FOXK1: variants seen among roughly 807,000 people sequenced by gnomAD.
FOXK1 encodes the protein forkhead box protein K1.
In FOXK1, 19 loss-of-function variants were observed where a neutral mutation model predicts 51.9. The observed-to-expected ratio is 0.37, with a 90% CI of 0.26 to 0.54. The LOEUF (loss-of-function observed/expected upper bound fraction) is 0.54. Among genes scored for constraint, FOXK1 ranks in the 20% least tolerant of loss-of-function variants. The pLI, the probability that FOXK1 is intolerant of heterozygous loss-of-function variation, is 0.87. For synonymous variants in FOXK1, 537 were observed against 482.6 expected (o/e 1.11, Z -1.48); for missense variants, 870 against 1,032.7 (o/e 0.84, Z 2.16).
Position 4,726,015 on chromosome 7 carries a change from C to T in FOXK1, c.561-14823C>T, listed in dbSNP as rs542349669. ...CCCTGTTTTCTTTCAACAAACAGAA[C>T]TTTTTTTTTTTTTAAGCAGCGAAGA... is the stretch of plus-strand genomic sequence containing the variant. On this transcript the variant is annotated intron_variant, in intron 1 of 8. Transcript: ENST00000328914. Among the ~76,000 whole-genome samples, 444 of 148,040 alleles carry T rather than the reference C, an allele frequency of 3.0e-3. 3 individuals are homozygous for T. Among genetic ancestry groups the T allele is most frequent in the African/African-American group, 0.01 (408 of 40,398 alleles).
chr7:4,705,778 C>G (rs1196081441), intron 1 of FOXK1, among the ~76,000 whole-genome samples: 1 of 148,996 alleles, frequency 6.7e-6, no homozygotes, highest in Non-Finnish European at 1.5e-5. Flanking sequence ...ACCTCGTGAC[C>G]CCCCCCCGCC....
rs370402475 is a variant in FOXK1, at chr7:4,740,891, A to G, written c.614A>G (p.Tyr205Cys). 6.9e-6 allele frequency: 11 copies of G among 1,594,378 alleles called. No individual in the cohort carries two copies. The highest frequency in any genetic ancestry group is 2.3e-5 in the South Asian group (2 of 88,000). Reference sequence around the variant, plus strand: ...ATCAAGATCCAGTTCACGTCGCTCTATCACAAAGAAGAGGCCCCAGCCTCC... The same window carrying G: ...ATCAAGATCCAGTTCACGTCGCTCTGTCACAAAGAAGAGGCCCCAGCCTCC... ...TAIKIQFTSL[Y>C]HKEEAPASPL... Residue 205 changes from tyrosine (Y) to cysteine (C), a missense_variant, in exon 2 of 9, where the codon TAT becomes TGT. Physicochemically the swap from Tyr to Cys is radical, Grantham distance 194. This residue lies in a region of FOXK1 where 399 missense variants were observed against 475.6 expected (regional missense o/e 0.84). Transcript: ENST00000328914.
At chr7:4,741,410 C>T (rs916844875) in intron 2 of FOXK1, among the ~76,000 whole-genome samples, 1 of 152,246 alleles carries the variant, frequency 6.6e-6, no homozygotes, top group Admixed American at 6.5e-5. Flanking sequence ...CTCACTGCAA[C>T]CTCCACCTCC....
At chr7:4,760,558 A>G (rs1368179435) in intron 7 of FOXK1, among the ~76,000 whole-genome samples, 1 of 152,198 alleles carries the variant, frequency 6.6e-6, no homozygotes, top group Non-Finnish European at 1.5e-5. Context: ...GGTATTTAAA[A>G]TACTGTTCTA....
rs376879050 is a variant in FOXK1 at position 4,705,983 on chromosome 7, CGT to C, written c.560+23116_560+23117del. On this transcript the variant is annotated intron_variant, in intron 1 of 8. Coordinates refer to ENST00000328914, the MANE Select transcript of FOXK1 (RefSeq NM_001037165.2). ...ATGTATATATATATACGTATATATACGTATATATACGTATATATACGTATATA... is the reference window on the plus strand; with the variant it reads ...ATGTATATATATATACGTATATATACATATATACGTATATATACGTATATA... Among the ~76,000 whole-genome samples, 9 of 91,722 alleles carry C rather than the reference CGT, an allele frequency of 9.8e-5. 1 individual carries two copies. The highest frequency in any genetic ancestry group is 6.0e-4 in the African/African-American group (8 of 13,338). The allele number at this position is 91,722 out of a possible 152,430, so 60.2% of individuals were successfully genotyped here. A position where few individuals can be genotyped will look rare whatever the true frequency, so the allele number is the denominator to read the frequency against.
chr7:4,741,084 C>A (rs932381032), intron 2 of FOXK1, 61 bp downstream of exon 2: 12 of 1,222,060 alleles, frequency 9.8e-6, no homozygotes, highest in Non-Finnish European at 1.2e-5. Context: ...TGCGAGCGTG[C>A]CTGTCGTACG....
intron 1 of FOXK1, among the ~76,000 whole-genome samples, chr7:4,701,737 C>CA (rs1300414713): frequency 3.3e-5 from 5 of 152,096 alleles, no homozygotes; most frequent in African/African-American, 1.2e-4. Flanking sequence ...ACTAAAAATA[C>CA]AAAAAATTAG....
rs749569887 is a variant in FOXK1, at chr7:4,731,340, T to C, written c.561-9498T>C. 1.2e-4 allele frequency among the ~76,000 whole-genome samples: 18 copies of C among 152,208 alleles called. No individual in the cohort carries two copies. Among genetic ancestry groups the C allele is most frequent in the Non-Finnish European group, 1.9e-4 (13 of 68,036 alleles). On this transcript the variant is annotated intron_variant, in intron 1 of 8. Transcript: ENST00000328914. The surrounding 1 kb of genome is among the most constrained non-coding windows in gnomAD (Gnocchi z 5.3). The stretch of plus-strand genomic sequence containing the variant: ...GCCAGGTTTAGTACTTTATCGGGTA[T>C]CCTAAAGACACGTTGCAGCCTGCAA...
chr7:4,734,765 C>T lies in FOXK1; in HGVS notation c.561-6073C>T, dbSNP rs1026871559. Among the ~76,000 whole-genome samples the T allele has an allele frequency of 3.0e-4, 46 of 152,288 alleles. No individual in the cohort carries two copies. The highest frequency in any genetic ancestry group is 9.6e-4 in the African/African-American group (40 of 41,572). On this transcript the variant is annotated intron_variant, in intron 1 of 8. Transcript: ENST00000328914. This position sits in a 1 kb window ranked among gnomAD's most constrained non-coding sequence, Gnocchi z 5.2. ...TTTCAGGTCGCAAGGCTATTTTTGG[C>T]GTGAGATGTCACTGTCTGCCGCTTC... is the stretch of plus-strand genomic sequence containing the variant.
chr7:4,761,970 C>T lies in FOXK1; in HGVS notation c.1922-214C>T, dbSNP rs1049405475. Among the ~76,000 whole-genome samples, 2 of 152,068 alleles carry T rather than the reference C, an allele frequency of 1.3e-5. No individual in the cohort carries two copies. Among genetic ancestry groups the T allele is most frequent in the African/African-American group, 4.8e-5 (2 of 41,418 alleles). On this transcript the variant is annotated intron_variant, in intron 8 of 8. Coordinates refer to ENST00000328914, the MANE Select transcript of FOXK1 (RefSeq NM_001037165.2). The surrounding 1 kb of genome is among the most constrained non-coding windows in gnomAD (Gnocchi z 6.2). ...TAGACAGCAATGAGAGGGGCCTCCA[C>T]CCAACAGGCTGGAGCCAGCAGAGAC... is the stretch of plus-strand genomic sequence containing the variant.
rs1046170934 is a variant in FOXK1 at position 4,715,478 on chromosome 7, G to A, written c.561-25360G>A. On this transcript the variant is annotated intron_variant, in intron 1 of 8. Coordinates refer to ENST00000328914, the MANE Select transcript of FOXK1 (RefSeq NM_001037165.2). The surrounding 1 kb of genome is among the most constrained non-coding windows in gnomAD (Gnocchi z 4.5). ...GGGGGTTGGCTGGAACTCGGGCCCCGCTGGCCGGCGGTAGGAGCTGGAATG... is the reference window on the plus strand; with the variant it reads ...GGGGGTTGGCTGGAACTCGGGCCCCACTGGCCGGCGGTAGGAGCTGGAATG... Among the ~76,000 whole-genome samples, 1 of 152,182 alleles carries A rather than the reference G, an allele frequency of 6.6e-6. No individual in the cohort carries two copies. Among genetic ancestry groups the A allele is most frequent in the Non-Finnish European group, 1.5e-5 (1 of 68,042 alleles).
chr7:4,768,949 C>G lies in FOXK1; in HGVS notation c.*6485C>G, dbSNP rs1368716684. On this transcript the variant is annotated 3_prime_UTR_variant, in exon 9 of 9. Transcript: ENST00000328914. ...CCATTCCCGGGAGGCCTGAGTGTGA[C>G]CTGGAAGCTCTGTGGGTCACCAAGA... The G allele has an allele frequency of 6.6e-6, 1 of 152,148 alleles. No individual in the cohort carries two copies. The highest frequency in any genetic ancestry group is 1.5e-5 in the Non-Finnish European group (1 of 68,092). 9.4% of individuals were successfully genotyped at this position (152,148 alleles called of 1,614,324 possible).
chr7:4,684,368 T>G (rs1779792632), intron 1 of FOXK1, among the ~76,000 whole-genome samples: 1 of 152,200 alleles, frequency 6.6e-6, no homozygotes, highest in Non-Finnish European at 1.5e-5. Flanking sequence ...ACTTCTCCCC[T>G]TTTTTAGTCT....
Position 4,761,351 on chromosome 7 carries a change from C to A in FOXK1, c.1921+63C>A. ...GCTCTGTGGCTCCCAGTAGTCAGTG[C>A]GGCATGAGAATGTTCTCCCAGTATC... On this transcript the variant is annotated intron_variant, in intron 8 of 8. Coordinates refer to ENST00000328914, the MANE Select transcript of FOXK1 (RefSeq NM_001037165.2). The surrounding 1 kb of genome is among the most constrained non-coding windows in gnomAD (Gnocchi z 6.2). The A allele has an allele frequency of 2.0e-6, 3 of 1,478,324 alleles. No homozygotes were observed. The highest frequency in any genetic ancestry group is 1.8e-6 in the Non-Finnish European group (2 of 1,082,604). 91.6% of individuals were successfully genotyped at this position (1,478,324 alleles called of 1,614,324 possible).
intron 2 of FOXK1, among the ~76,000 whole-genome samples, chr7:4,751,981 C>T (rs148677372): frequency 0.01 from 1,582 of 152,306 alleles, 33 homozygotes; most frequent in African/African-American, 0.027. Context: ...GAGATAAGGT[C>T]TCACTCTGTT....
rs1387340865 is a variant in FOXK1, at chr7:4,682,476, G to A, written c.168G>A (p.Pro56=). ...PQPPPGPPPP[P]PPPLPPGAIA... is the part of the protein sequence containing the mutation. ...CTCCGCCCGGGCCGCCGCCGCCGCC[G>A]CCACCGCCGCTGCCTCCGGGCGCGA... The change falls in exon 1 of 9, where the codon CCG becomes CCA. Residue 56 remains proline, a synonymous_variant. Coordinates refer to ENST00000328914, the MANE Select transcript of FOXK1 (RefSeq NM_001037165.2). This position sits in a 1 kb window ranked among gnomAD's most constrained non-coding sequence, Gnocchi z 7.6. 4.0e-6 allele frequency: 4 copies of A among 989,926 alleles called. No individual in the cohort carries two copies. The highest frequency in any genetic ancestry group is 1.1e-4 in the East Asian group (1 of 9,052). 61.3% of individuals were successfully genotyped at this position (989,926 alleles called of 1,614,324 possible). A position where few individuals can be genotyped will look rare whatever the true frequency, so the allele number is the denominator to read the frequency against.
Position 4,715,980 on chromosome 7 carries a change from C to G in FOXK1, c.561-24858C>G, listed in dbSNP as rs1007892133. On this transcript the variant is annotated intron_variant, in intron 1 of 8. Transcript: ENST00000328914. This position sits in a 1 kb window ranked among gnomAD's most constrained non-coding sequence, Gnocchi z 4.5. Reference sequence around the variant, plus strand: ...GGCGCAGTGGTTCACGCCTGTAATCCCAGCACTTTGGGAGGCCAAGGTGGG... The same window carrying G: ...GGCGCAGTGGTTCACGCCTGTAATCGCAGCACTTTGGGAGGCCAAGGTGGG... 1.3e-5 allele frequency among the ~76,000 whole-genome samples: 2 copies of G among 152,112 alleles called. No homozygotes were observed. The highest frequency in any genetic ancestry group is 4.8e-5 in the African/African-American group (2 of 41,392).
intron 1 of FOXK1, among the ~76,000 whole-genome samples, chr7:4,684,051 C>G (rs1779787632): frequency 1.3e-5 from 2 of 152,156 alleles, no homozygotes; most frequent in South Asian, 4.1e-4. Context: ...CCTTTGGTAG[C>G]ATCCCGTGGT....
At chr7:4,696,115 C>CAAA (rs1192472036) in intron 1 of FOXK1, among the ~76,000 whole-genome samples, 5 of 80,126 alleles carry the variant, frequency 6.2e-5, no homozygotes, top group Admixed American at 6.0e-4. Flanking sequence ...GACTGTGTCT[C>CAAA]AAAAAAAAAA....
Sources: gnomAD v4.1 joint callset for allele counts (sites outside exome capture counted in the v4.1 genomes callset) on GRCh38, gnomAD v4.1.1 for gene constraint, gnomAD v4.1.1 regional missense constraint, Gnocchi (gnomAD v3.1) non-coding constraint, MANE v1.5 for transcripts, NCBI Gene and HGNC (gene_info 2026-07-23, HGNC 2026-07-21) for gene names.